DMD: variants seen among roughly 807,000 people sequenced by gnomAD.
The protein encoded by DMD is dystrophin, also known as mutant dystrophin.
In DMD, 63 loss-of-function variants were observed where a neutral mutation model predicts 330.1. The observed-to-expected ratio is 0.19, with a 90% CI of 0.16 to 0.24. The LOEUF (loss-of-function observed/expected upper bound fraction) is 0.24. Ranked by LOEUF, DMD falls within the 10% of genes least tolerant of loss-of-function variation. The pLI is 1.00. For synonymous variants in DMD, 1,223 were observed against 959.8 expected (o/e 1.27, Z -5.07); for missense variants, 3,344 against 2,684.1 (o/e 1.25, Z -5.43).
chrX:32,527,920 T>C (rs925656580), intron 17 of DMD, among the ~76,000 whole-genome samples: 8 of 111,667 alleles, frequency 7.2e-5, no homozygotes, highest in Non-Finnish European at 1.3e-4. Flanking sequence ...TAGGGCCACA[T>C]GATTGTCTTG....
At position 32,685,747 on chromosome X, in the gene DMD, A is replaced by T. The variant is rs755653966; in HGVS notation, c.960+12123T>A. Among the ~76,000 whole-genome samples, 16 of 111,881 alleles carry T rather than the reference A, an allele frequency of 1.4e-4. No individual in the cohort carries two copies. In the East Asian group the frequency reaches 4.5e-3, roughly 32 times the overall value. Reference sequence around the variant, plus strand: ...ATGTAGCTGAATTGGTATGCAGATGATCTAGAAATGAGGAGTTTCATAACG... The same window carrying T: ...ATGTAGCTGAATTGGTATGCAGATGTTCTAGAAATGAGGAGTTTCATAACG... On this transcript the variant is annotated intron_variant, in intron 9 of 78. Coordinates refer to ENST00000357033, the MANE Select transcript of DMD (RefSeq NM_004006.3).
At chrX:31,691,080 C>G (rs1603448324) in intron 52 of DMD, among the ~76,000 whole-genome samples, 1 of 109,555 alleles carries the variant, frequency 9.1e-6, no homozygotes, top group Non-Finnish European at 1.9e-5. Context: ...AACAAACCTG[C>G]AAGTTGTGCA....
intron 1 of DMD, among the ~76,000 whole-genome samples, chrX:33,252,535 T>C (rs759310908): frequency 1.6e-4 from 18 of 110,679 alleles, no homozygotes; most frequent in Non-Finnish European, 3.0e-4. Context: ...CTACATTCTT[T>C]GCTTTAAAAC....
At chrX:31,766,174 G>A (rs1456813696) in intron 51 of DMD, among the ~76,000 whole-genome samples, 3 of 111,391 alleles carry the variant, frequency 2.7e-5, no homozygotes, top group Admixed American at 9.5e-5. Context: ...CAGATTCTAC[G>A]TATTTCTATG....
At chrX:32,437,754 G>C (rs1198663244) in intron 29 of DMD, among the ~76,000 whole-genome samples, 1 of 112,438 alleles carries the variant, frequency 8.9e-6, no homozygotes, top group African/African-American at 3.2e-5. Context: ...TTGCTATTTT[G>C]TTTTAGTTTT....
At chrX:32,140,504 G>T (rs146752754) in intron 44 of DMD, among the ~76,000 whole-genome samples, 6 of 112,173 alleles carry the variant, frequency 5.3e-5, no homozygotes, top group African/African-American at 9.7e-5. Context: ...AGTTGATAAG[G>T]ATATAGTTTC....
chrX:32,515,578 T>A (rs1203756746), intron 18 of DMD, among the ~76,000 whole-genome samples: 1 of 111,655 alleles, frequency 9.0e-6, no homozygotes, highest in Non-Finnish European at 1.9e-5. Context: ...CCAATTTGCG[T>A]TACCATGTGC....
chrX:32,408,826 GAAGT>G lies in DMD; in HGVS notation c.4233+2922_4233+2925del, dbSNP rs1356860093. Among the ~76,000 whole-genome samples, 4 of 110,992 alleles carry G rather than the reference GAAGT, an allele frequency of 3.6e-5. No homozygotes were observed. In the East Asian group the frequency reaches 8.5e-4, roughly 24 times the overall value. ...CACATTTTTGTTAATACAATGCATT[GAAGT>G]TAGTCCCTATTCTATTCCTTTCTTT... On this transcript the variant is annotated intron_variant, in intron 30 of 78. Transcript: ENST00000357033.
At chrX:32,740,671 G>A (rs993057391) in intron 7 of DMD, among the ~76,000 whole-genome samples, 1 of 111,393 alleles carries the variant, frequency 9.0e-6, no homozygotes, top group East Asian at 2.8e-4. Flanking sequence ...CTCATCTTTT[G>A]GAGGGCATAA....
chrX:32,614,411 T>G lies in DMD; in HGVS notation c.1374A>C (p.Lys458Asn). 2 of 1,207,764 alleles carry G rather than the reference T, an allele frequency of 1.7e-6. No homozygotes were observed. The highest frequency in any genetic ancestry group is 2.2e-6 in the Non-Finnish European group (2 of 892,699). Residue 458 changes from lysine to asparagine, a missense_variant, in exon 12 of 79, where the codon AAA becomes AAC. By Grantham distance (94) the Lys-to-Asn change is moderately conservative. Coordinates refer to ENST00000357033, the MANE Select transcript of DMD (RefSeq NM_004006.3). ...TTTTTGTTAGCCAGTCATTCAACTCTTTCAGTTTCTGATTCTGGAGATCCA... is the reference window on the plus strand; with the variant it reads ...TTTTTGTTAGCCAGTCATTCAACTCGTTCAGTTTCTGATTCTGGAGATCCA... ...VLMDLQNQKL[K>N]ELNDWLTKTE...
At chrX:33,336,237 T>G (rs934305560) in intron 1 of DMD, among the ~76,000 whole-genome samples, 1 of 85,997 alleles carries the variant, frequency 1.2e-5, no homozygotes, top group African/African-American at 5.2e-5. Flanking sequence ...TTCTGACTTT[T>G]TTTTTTTTCC....
intron 7 of DMD, among the ~76,000 whole-genome samples, chrX:32,710,364 T>C (rs1312210980): frequency 1.8e-5 from 2 of 111,038 alleles, no homozygotes; most frequent in Non-Finnish European, 3.8e-5. Context: ...AAGAAGTTTT[T>C]CTTATTGATC....
chrX:32,270,010 T>A (rs1199213877), intron 43 of DMD, among the ~76,000 whole-genome samples: 1 of 112,419 alleles, frequency 8.9e-6, no homozygotes, highest in Non-Finnish European at 1.9e-5. Flanking sequence ...TTTCTTACTT[T>A]GTCATGCAGC....
chrX:31,527,224 G>A (rs375322433), intron 55 of DMD, among the ~76,000 whole-genome samples: 9 of 111,992 alleles, frequency 8.0e-5, no homozygotes, highest in Admixed American at 2.8e-4. Context: ...TAGCATAAGC[G>A]TCTGGGGGCA....
At chrX:32,283,843 C>A (rs974375973) in intron 43 of DMD, among the ~76,000 whole-genome samples, 5 of 111,513 alleles carry the variant, frequency 4.5e-5, no homozygotes, top group Non-Finnish European at 9.4e-5. Flanking sequence ...ACAAAAATAT[C>A]GACTAACTGC....
intron 44 of DMD, among the ~76,000 whole-genome samples, chrX:32,093,769 C>A (rs1262440914): frequency 9.0e-6 from 1 of 110,803 alleles, no homozygotes; most frequent in African/African-American, 3.3e-5. Flanking sequence ...GACAATGGCC[C>A]ACAGAATTAA....
chrX:32,834,807 G>A (rs1440125328), intron 4 of DMD, among the ~76,000 whole-genome samples: 1 of 111,452 alleles, frequency 9.0e-6, no homozygotes, highest in Non-Finnish European at 1.9e-5. Context: ...TTAAGTCAGC[G>A]AAGTCTTGGT....
intron 29 of DMD, among the ~76,000 whole-genome samples, chrX:32,412,592 T>C (rs1409243594): frequency 8.9e-6 from 1 of 111,874 alleles, no homozygotes; most frequent in Non-Finnish European, 1.9e-5. Flanking sequence ...TAAGTATGAT[T>C]AGGATAATTC....
At chrX:31,729,095 G>A (rs945504119) in intron 52 of DMD, among the ~76,000 whole-genome samples, 1 of 112,183 alleles carries the variant, frequency 8.9e-6, no homozygotes, top group Non-Finnish European at 1.9e-5. Flanking sequence ...ACAGCGTCTA[G>A]TCAGATGGGT....
Sources: gnomAD v4.1 joint callset for allele counts (sites outside exome capture counted in the v4.1 genomes callset) on GRCh38, gnomAD v4.1.1 for gene constraint, MANE v1.5 for transcripts, NCBI Gene and HGNC (gene_info 2026-07-23, HGNC 2026-07-21) for gene names.